Variants in PTCSC3 observed in about 807,000 individuals in gnomAD.
PTCSC3 encodes papillary thyroid carcinoma susceptibility candidate 3 (non-protein coding).
intron 3 of PTCSC3, among the ~76,000 whole-genome samples, chr14:36,143,549 T>C (rs1223512937): frequency 6.7e-6 from 1 of 148,684 alleles, no homozygotes; most frequent in African/African-American, 2.5e-5. Flanking sequence ...TTGTAGATTC[T>C]GGATATTAGC....
At chr14:36,159,445 T>C (rs1174549206) in intron 2 of PTCSC3, among the ~76,000 whole-genome samples, 3 of 152,236 alleles carry the variant, frequency 2.0e-5, no homozygotes, top group African/African-American at 7.2e-5. Flanking sequence ...TGGTACATTG[T>C]GTCTTTGTTC....
intron 1 of PTCSC3, among the ~76,000 whole-genome samples, chr14:36,163,105 C>T (rs1382059790): frequency 6.6e-6 from 1 of 150,890 alleles, no homozygotes; most frequent in East Asian, 1.9e-4. Context: ...AAAAAAATAG[C>T]CATGGTAGGT....
chr14:36,141,474 T>G (rs1181612768), intron 3 of PTCSC3, among the ~76,000 whole-genome samples: 5 of 152,026 alleles, frequency 3.3e-5, no homozygotes, highest in Non-Finnish European at 5.9e-5. Flanking sequence ...TCTATAAACA[T>G]CCCAGGTAGC....
chr14:36,172,492 C>T (rs1882209517), intron 1 of PTCSC3, among the ~76,000 whole-genome samples: 1 of 151,998 alleles, frequency 6.6e-6, no homozygotes. Flanking sequence ...ACTACCAGAG[C>T]CACTAGAAAT....
intron 1 of PTCSC3, among the ~76,000 whole-genome samples, chr14:36,175,446 C>A (rs1043025555): frequency 6.6e-6 from 1 of 152,126 alleles, no homozygotes; most frequent in Admixed American, 6.5e-5. Flanking sequence ...TTCAACCCTA[C>A]CTGAAATCAC....
intron 1 of PTCSC3, among the ~76,000 whole-genome samples, chr14:36,172,403 GTTCTT>G (rs1476030696): frequency 6.6e-6 from 1 of 152,084 alleles, no homozygotes; most frequent in African/African-American, 2.4e-5. Context: ...TCTTTGATTA[GTTCTT>G]TTCTTAAATT....
At position 36,165,932 on chromosome 14, in the gene PTCSC3, T is replaced by C. The variant is rs1380101812; in HGVS notation, n.172-3249A>G. Among the ~76,000 whole-genome samples, 13 of 152,286 alleles carry C rather than the reference T, an allele frequency of 8.5e-5. No homozygotes were observed. The East Asian group carries it at 1.5e-3, about 18-fold the overall frequency. On this transcript the variant is annotated intron_variant and non_coding_transcript_variant, in intron 1 of 3. Transcript: ENST00000556013. ...GATTCATGGTATATATCAAATTTTA[T>C]TGAAAAGCTGTCAGTGAACAGGATG...
chr14:36,139,119 T>TAAAAAAA (rs370864635), intron 3 of PTCSC3, among the ~76,000 whole-genome samples: 106 of 106,336 alleles, frequency 1.0e-3, no homozygotes, highest in East Asian at 1.7e-3. Context: ...ATCTCAAAAA[T>TAAAAAAA]AAAAAAAAAA....
At chr14:36,154,215 G>A (rs904149109) in intron 2 of PTCSC3, among the ~76,000 whole-genome samples, 1 of 152,172 alleles carries the variant, frequency 6.6e-6, no homozygotes, top group Non-Finnish European at 1.5e-5. Context: ...AGGAGATAAC[G>A]AGTGGGAGGG....
At chr14:36,172,301 T>C (rs1246693652) in intron 1 of PTCSC3, among the ~76,000 whole-genome samples, 1 of 152,174 alleles carries the variant, frequency 6.6e-6, no homozygotes, top group African/African-American at 2.4e-5. Context: ...TCATCTACTC[T>C]GCCAACTAAA....
chr14:36,172,273 A>G (rs1882206281), intron 1 of PTCSC3, among the ~76,000 whole-genome samples: 2 of 152,154 alleles, frequency 1.3e-5, no homozygotes, highest in African/African-American at 4.8e-5. Flanking sequence ...ATGAAAATGT[A>G]TTAGCTATTT....
intron 3 of PTCSC3, among the ~76,000 whole-genome samples, chr14:36,139,140 AGAAAT>A (rs796238023): frequency 0.039 from 5,125 of 132,392 alleles, 197 homozygotes; most frequent in African/African-American, 0.072. Context: ...AAAAAAAAAA[AGAAAT>A]GCATATATGT....
At chr14:36,157,333 C>G (rs1475616814) in intron 2 of PTCSC3, among the ~76,000 whole-genome samples, 1 of 151,996 alleles carries the variant, frequency 6.6e-6, no homozygotes, top group Non-Finnish European at 1.5e-5. Context: ...AAAAAATTTT[C>G]TCCCATTCTG....
At chr14:36,151,094 G>T (rs145569406) in intron 3 of PTCSC3, among the ~76,000 whole-genome samples, 1 of 151,776 alleles carries the variant, frequency 6.6e-6, no homozygotes. Flanking sequence ...CTCAGTTTTT[G>T]TTTGTATGAA....
intron 1 of PTCSC3, among the ~76,000 whole-genome samples, chr14:36,164,586 A>G (rs1882045634): frequency 1.2e-5 from 1 of 82,376 alleles, no homozygotes; most frequent in South Asian, 4.1e-4. Flanking sequence ...AGTTAGAACT[A>G]TTTTTTATTT....
intron 1 of PTCSC3, among the ~76,000 whole-genome samples, chr14:36,169,451 G>A (rs966732044): frequency 6.6e-6 from 1 of 152,104 alleles, no homozygotes; most frequent in African/African-American, 2.4e-5. Context: ...ATGGATTCAG[G>A]TACAATCAGA....
chr14:36,162,602 T>G (rs1397008150), intron 2 of PTCSC3: 1 of 152,232 alleles, frequency 6.6e-6, no homozygotes, highest in Non-Finnish European at 1.5e-5. Context: ...GTACCTCAGT[T>G]GGAAATGCAG....
chr14:36,153,168 G>A (rs1295158699), intron 3 of PTCSC3, among the ~76,000 whole-genome samples: 1 of 152,162 alleles, frequency 6.6e-6, no homozygotes, highest in Non-Finnish European at 1.5e-5. Context: ...GACAGAGAGA[G>A]AAATAATCTC....
chr14:36,165,106 C>T (rs148591440), intron 1 of PTCSC3: 52 of 152,302 alleles, frequency 3.4e-4, no homozygotes, highest in African/African-American at 1.2e-3. Context: ...AGTGAATATT[C>T]TCCAGGATCC....
Sources: allele counts gnomAD v4.1 joint callset (sites outside exome capture counted in the v4.1 genomes callset), GRCh38; gene constraint gnomAD v4.1.1; transcripts MANE v1.5; gene names NCBI Gene and HGNC (gene_info 2026-07-23, HGNC 2026-07-21).